Variants in CTDSPL2 observed in about 807,000 individuals in gnomAD.
The protein encoded by CTDSPL2 is CTD small phosphatase like 2.
In CTDSPL2, 5 loss-of-function variants were observed where a neutral mutation model predicts 60.0. The observed-to-expected ratio is 0.08, with a 90% CI of 0.04 to 0.18. The LOEUF is 0.18. Ranked by LOEUF, CTDSPL2 falls within the 10% of genes least tolerant of loss-of-function variation. The pLI is 1.00. For synonymous variants in CTDSPL2, 186 were observed against 189.3 expected (o/e 0.98, Z 0.14); for missense variants, 370 against 548.8 (o/e 0.67, Z 3.26).
At chr15:44,432,299 T>G (rs909481567) in intron 1 of CTDSPL2, among the ~76,000 whole-genome samples, 1 of 90,816 alleles carries the variant, frequency 1.1e-5, no homozygotes, top group Non-Finnish European at 2.2e-5. Context: ...CATATGTTCC[T>G]ATATTATTAT....
At chr15:44,442,197 T>G (rs1017504145) in intron 1 of CTDSPL2, among the ~76,000 whole-genome samples, 1 of 152,150 alleles carries the variant, frequency 6.6e-6, no homozygotes, top group Non-Finnish European at 1.5e-5. Flanking sequence ...ATGCCTGTAA[T>G]CCCAGCACTT....
chr15:44,469,748 T>A (rs1366964359), intron 2 of CTDSPL2, among the ~76,000 whole-genome samples: 4 of 152,218 alleles, frequency 2.6e-5, no homozygotes, highest in African/African-American at 9.6e-5. Context: ...GATAATATTC[T>A]AATTTTCTAT....
chr15:44,527,640 C>T lies in CTDSPL2; in HGVS notation c.*3466C>T, dbSNP rs2081896165. ...GTTAAGGTTTTCTGACCTGACTTCT[C>T]TTTGTCTTCCTAGGTATTTATTTGT... On this transcript the variant is annotated 3_prime_UTR_variant, in exon 13 of 13. Transcript: ENST00000260327. The T allele has an allele frequency of 6.6e-6, 1 of 152,190 alleles. No individual in the cohort carries two copies. The highest frequency in any genetic ancestry group is 2.1e-4 in the South Asian group (1 of 4,838). The allele number at this position is 152,190 out of a possible 1,614,324, so 9.4% of individuals were successfully genotyped here.
chr15:44,445,555 A>G (rs570981947), intron 1 of CTDSPL2, among the ~76,000 whole-genome samples: 1 of 151,638 alleles, frequency 6.6e-6, no homozygotes, highest in East Asian at 1.9e-4. Context: ...CTGCCCTGGA[A>G]CTCTACTCTG....
At chr15:44,429,595 G>A (rs1222616626) in intron 1 of CTDSPL2, among the ~76,000 whole-genome samples, 2 of 151,986 alleles carry the variant, frequency 1.3e-5, no homozygotes, top group African/African-American at 4.8e-5. Flanking sequence ...TGGCTGGGTG[G>A]GGTGGCTCAC....
Position 44,508,239 on chromosome 15 carries a change from C to T in CTDSPL2, c.970-6359C>T, listed in dbSNP as rs528089276. On this transcript the variant is annotated intron_variant, in intron 8 of 12. Coordinates refer to ENST00000260327, the MANE Select transcript of CTDSPL2 (RefSeq NM_016396.3). ...CCGGGACTACGGGCGAGTGCCACCA[C>T]GCCTGGCTAATTTTTGTATTTTTTT... Among the ~76,000 whole-genome samples, 8 of 152,070 alleles carry T rather than the reference C, an allele frequency of 5.3e-5. 1 individual carries two copies. Among genetic ancestry groups the T allele is most frequent in the South Asian group, 2.1e-4 (1 of 4,816 alleles).
At chr15:44,448,238 C>T (rs890196877) in intron 1 of CTDSPL2, 5 of 297,812 alleles carry the variant, frequency 1.7e-5, no homozygotes, top group East Asian at 9.6e-5. Context: ...TGCTCCAGGC[C>T]GGAGCCACTG....
At chr15:44,483,057 G>A (rs1239305105) in intron 2 of CTDSPL2, among the ~76,000 whole-genome samples, 3 of 151,938 alleles carry the variant, frequency 2.0e-5, no homozygotes, top group South Asian at 2.1e-4. Flanking sequence ...TCAGGAGTTC[G>A]AGACCAGCCT....
At chr15:44,444,640 C>T (rs2080164900) in intron 1 of CTDSPL2, among the ~76,000 whole-genome samples, 1 of 151,830 alleles carries the variant, frequency 6.6e-6, no homozygotes, top group South Asian at 2.1e-4. Context: ...GCCACCACAC[C>T]CAGCCTATAT....
intron 1 of CTDSPL2, among the ~76,000 whole-genome samples, chr15:44,445,318 G>T (rs1407242547): frequency 6.6e-6 from 1 of 151,976 alleles, no homozygotes; most frequent in Non-Finnish European, 1.5e-5. Flanking sequence ...CTCCCAAGTA[G>T]TTGGGACTAT....
intron 2 of CTDSPL2, among the ~76,000 whole-genome samples, chr15:44,463,688 G>A (rs1352868825): frequency 6.6e-6 from 1 of 152,068 alleles, no homozygotes; most frequent in African/African-American, 2.4e-5. Flanking sequence ...AGCTTATATG[G>A]CTTTTAATTA....
At chr15:44,490,720 G>A in intron 4 of CTDSPL2, 64 bp from the exon 5 acceptor site, 1 of 1,170,552 alleles carries the variant, frequency 8.5e-7, no homozygotes, top group East Asian at 2.3e-5. Context: ...CGGTGATGCT[G>A]CATTTAGTTT....
At chr15:44,521,766 G>A (rs1165100267) in intron 12 of CTDSPL2, among the ~76,000 whole-genome samples, 1 of 150,850 alleles carries the variant, frequency 6.6e-6, no homozygotes, top group African/African-American at 2.4e-5. Context: ...GTGAAACCCC[G>A]TCTCTACTAA....
At chr15:44,450,256 T>C (rs944327631) in intron 1 of CTDSPL2, among the ~76,000 whole-genome samples, 6 of 152,082 alleles carry the variant, frequency 3.9e-5, no homozygotes, top group Non-Finnish European at 5.9e-5. Flanking sequence ...TTAGGAAACA[T>C]TTAAATATTA....
At chr15:44,506,497 G>A (rs1452550113) in intron 8 of CTDSPL2, among the ~76,000 whole-genome samples, 1 of 140,092 alleles carries the variant, frequency 7.1e-6, no homozygotes, top group African/African-American at 2.7e-5. Flanking sequence ...GCTCACTATA[G>A]CCTCTATCTT....
At chr15:44,475,675 A>G (rs1343529151) in intron 2 of CTDSPL2, among the ~76,000 whole-genome samples, 1 of 151,704 alleles carries the variant, frequency 6.6e-6, no homozygotes. Context: ...ACGCTTTTTC[A>G]TTTTTAGTTT....
chr15:44,521,511 A>T (rs1595785091), intron 12 of CTDSPL2, 105 bp downstream of exon 12: 7 of 591,830 alleles, frequency 1.2e-5, no homozygotes, highest in East Asian at 3.3e-5. Context: ...TATAAAGTCA[A>T]CTGTGAGCCA....
At chr15:44,440,872 A>T (rs1266359918) in intron 1 of CTDSPL2, among the ~76,000 whole-genome samples, 1 of 152,158 alleles carries the variant, frequency 6.6e-6, no homozygotes, top group Non-Finnish European at 1.5e-5. Flanking sequence ...TCAGGAGTTA[A>T]GCTGAGTTTC....
intron 1 of CTDSPL2, among the ~76,000 whole-genome samples, chr15:44,445,782 C>T (rs972361328): frequency 6.7e-6 from 1 of 149,028 alleles, no homozygotes; most frequent in African/African-American, 2.5e-5. Flanking sequence ...GGATTACAGG[C>T]GCCCACCACC....
Sources: gnomAD v4.1 joint callset for allele counts (sites outside exome capture counted in the v4.1 genomes callset) on GRCh38, gnomAD v4.1.1 for gene constraint, MANE v1.5 for transcripts, NCBI Gene and HGNC (gene_info 2026-07-23, HGNC 2026-07-21) for gene names.